Variants in LPA observed in about 807,000 individuals in gnomAD.
LPA encodes apolipoprotein(a).
A neutral mutation model predicts 197.9 loss-of-function variants in LPA; 199 were observed. The ratio of observed to expected loss-of-function variants is 1.01; its 90% confidence interval spans 0.90 to 1.13. The LOEUF (loss-of-function observed/expected upper bound fraction) is 1.13. LPA is among the 50% of genes most tolerant of loss of function. The probability of loss-of-function intolerance (pLI) is 0.00; values close to 1 mark genes in which losing one functional copy is unlikely to be tolerated. For missense variants in LPA, 1,853 were observed against 1,785.8 expected (o/e 1.04, Z -0.68); for synonymous variants, 715 against 639.5 (o/e 1.12, Z -1.78).
chr6:160,593,639 G>A (rs1339760208), intron 22 of LPA, among the ~76,000 whole-genome samples: 1 of 152,164 alleles, frequency 6.6e-6, no homozygotes, highest in Non-Finnish European at 1.5e-5. Context: ...ATCCCTGGTT[G>A]AACTATTGCA....
intron 26 of LPA, among the ~76,000 whole-genome samples, chr6:160,583,752 G>A (rs887770094): frequency 1.1e-4 from 17 of 150,906 alleles, no homozygotes; most frequent in African/African-American, 2.7e-4. Flanking sequence ...AGAAAATCTC[G>A]GTTTTATTAG....
At chr6:160,598,417 G>A (rs905990388) in intron 20 of LPA, among the ~76,000 whole-genome samples, 4 of 152,144 alleles carry the variant, frequency 2.6e-5, no homozygotes, top group Non-Finnish European at 2.9e-5. Flanking sequence ...CAGTCAGCTT[G>A]GGCTCCATCT....
chr6:160,652,251 A>T (rs1780020730), intron 1 of LPA, among the ~76,000 whole-genome samples: 2 of 152,078 alleles, frequency 1.3e-5, no homozygotes, highest in South Asian at 4.1e-4. Context: ...TTAATAATAA[A>T]CAAATTATAG....
At chr6:160,588,251 G>T (rs912198363) in intron 24 of LPA, among the ~76,000 whole-genome samples, 15 of 151,144 alleles carry the variant, frequency 9.9e-5, no homozygotes, top group Non-Finnish European at 1.9e-4. Context: ...TCTAAGGGGG[G>T]TTGAGTTTTT....
intron 30 of LPA, 35 bp from the exon 31 acceptor site, chr6:160,548,694 C>T (rs778914975): frequency 6.2e-6 from 10 of 1,610,714 alleles, no homozygotes; most frequent in East Asian, 4.5e-5. Context: ...TTACAGGAGG[C>T]GGAAGAATAT....
chr6:160,583,505 C>T (rs1450797311), intron 26 of LPA, among the ~76,000 whole-genome samples: 1 of 152,126 alleles, frequency 6.6e-6, no homozygotes, highest in Admixed American at 6.6e-5. Context: ...TGTCTCTCCT[C>T]AGGCTGGTCA....
intron 28 of LPA, among the ~76,000 whole-genome samples, chr6:160,567,664 T>C (rs542660326): frequency 2.0e-5 from 3 of 151,940 alleles, no homozygotes; most frequent in Non-Finnish European, 4.4e-5. Flanking sequence ...CTGAAGGAGA[T>C]AGAGACACAA....
At position 160,557,838 on chromosome 6, in the gene LPA, A is replaced by C. The variant is rs373594105; in HGVS notation, c.4632-267T>G. Among the ~76,000 whole-genome samples, 23 of 152,330 alleles carry C rather than the reference A, an allele frequency of 1.5e-4. 2 individuals are homozygous for C. The highest frequency in any genetic ancestry group is 5.3e-4 in the African/African-American group (22 of 41,578). The stretch of plus-strand genomic sequence containing the variant: ...ACTGAGATCATACATAAATGTATAC[A>C]AGAAAAATTCGGAATATCTTCCTCC... On this transcript the variant is annotated intron_variant, in intron 28 of 38. Coordinates refer to ENST00000316300, the MANE Select transcript of LPA (RefSeq NM_005577.4).
At chr6:160,575,009 G>C (rs1778629462) in intron 28 of LPA, among the ~76,000 whole-genome samples, 3 of 152,098 alleles carry the variant, frequency 2.0e-5, no homozygotes, top group Non-Finnish European at 4.4e-5. Context: ...TGATGAGAAG[G>C]CATCAGTCAT....
At position 160,664,249 on chromosome 6, in the gene LPA, C is replaced by T. The variant is rs1780273005; in HGVS notation, c.-35G>A. ...GGCCAGCAGTGCCCAGAAAGTGTGT[C>T]CCAATCCCAGGACATTGTTGACTTA... On this transcript the variant is annotated 5_prime_UTR_variant, in exon 1 of 39. Transcript: ENST00000316300. The T allele has an allele frequency of 6.2e-7, 1 of 1,602,026 alleles. No homozygotes were observed.
chr6:160,536,145 T>C lies in LPA; in HGVS notation c.5842+1710A>G, dbSNP rs192337358. On this transcript the variant is annotated intron_variant, in intron 37 of 38. Coordinates refer to ENST00000316300, the MANE Select transcript of LPA (RefSeq NM_005577.4). ...TGTTCACATAATTGGGAGAGTGGCC[T>C]TTCTTATTCTTTCCCGGTACAGCCA... Among the ~76,000 whole-genome samples, 99 of 152,236 alleles carry C rather than the reference T, an allele frequency of 6.5e-4. 1 individual carries two copies. The highest frequency in any genetic ancestry group is 5.0e-3 in the Admixed American group (77 of 15,294).
At position 160,557,493 on chromosome 6, in the gene LPA, C is replaced by T. The variant is rs1290411399; in HGVS notation, c.4710G>A (p.Arg1570=). 7 of 1,613,966 alleles carry T rather than the reference C, an allele frequency of 4.3e-6. No homozygotes were observed. The highest frequency in any genetic ancestry group is 5.9e-6 in the Non-Finnish European group (7 of 1,180,018). Residue 1570 remains arginine (R), a synonymous_variant, in exon 29 of 39, where the codon AGG becomes AGA. Coordinates refer to ENST00000316300, the MANE Select transcript of LPA (RefSeq NM_005577.4). The stretch of plus-strand genomic sequence containing the variant: ...ATTGTGTCAGATTGCAGTACTCCCA[C>T]CTCACACACGGATCGGTTGTGTAAC... The part of the protein sequence containing the change: ...PWCYTTDPCV[R]WEYCNLTQCS...
intron 2 of LPA, among the ~76,000 whole-genome samples, chr6:160,646,849 A>G (rs555389814): frequency 6.6e-6 from 1 of 150,860 alleles, no homozygotes; most frequent in African/African-American, 2.5e-5. Context: ...GGGAGTTGCA[A>G]CGAACATGTA....
At chr6:160,585,014 TG>T in intron 26 of LPA, 31 bp downstream of exon 26, 1 of 1,611,990 alleles carries the variant, frequency 6.2e-7, no homozygotes, top group South Asian at 1.1e-5. Context: ...AGTTGACTAT[TG>T]TTCCTTTTAT....
intron 26 of LPA, among the ~76,000 whole-genome samples, chr6:160,580,543 G>A (rs6926201): frequency 0.042 from 6,334 of 152,140 alleles, 426 homozygotes; most frequent in African/African-American, 0.14. Flanking sequence ...TGAGAGAGTG[G>A]CACATTCTAG....
chr6:160,557,505 A>C lies in LPA; in HGVS notation c.4698T>G (p.Asp1566Glu), dbSNP rs780424998. ...TGCAGTACTCCCACCTCACACACGG[A>C]TCGGTTGTGTAACACCAGGGTTGTT... ...SGKQPWCYTTDPCVRWEYCNL... is the reference protein window; with the variant it reads ...SGKQPWCYTTEPCVRWEYCNL... The change falls in exon 29 of 39, where the codon GAT (aspartate) becomes GAG (glutamate). Residue 1566 changes from aspartate (D) to glutamate (E), a missense_variant. Transcript: ENST00000316300. 3.1e-6 allele frequency: 5 copies of C among 1,613,960 alleles called. No individual in the cohort carries two copies. The highest frequency in any genetic ancestry group is 4.2e-6 in the Non-Finnish European group (5 of 1,179,974).
chr6:160,542,840 T>A, intron 33 of LPA, 32 bp from the exon 34 acceptor site: 1 of 1,613,490 alleles, frequency 6.2e-7, no homozygotes, highest in East Asian at 2.2e-5. Flanking sequence ...GAAGTCGCAT[T>A]TGAGTCCAAG....
chr6:160,555,294 AG>A lies in LPA; in HGVS notation c.4973+730del, dbSNP rs1402554808. ...ATTATATTATATTATATTATATGTT[AG>A]TGTGTGTGTGTGTGTGTGTGTGTGT... On this transcript the variant is annotated intron_variant, in intron 30 of 38. Transcript: ENST00000316300. 2.7e-3 allele frequency among the ~76,000 whole-genome samples: 360 copies of A among 133,750 alleles called. 3 individuals are homozygous for A. Among genetic ancestry groups the A allele is most frequent in the African/African-American group, 9.7e-3 (347 of 35,766 alleles). The allele number at this position is 133,750 out of a possible 152,430, so 87.7% of individuals were successfully genotyped here.
chr6:160,615,376 G>GTGTT (rs1779577624), intron 14 of LPA, among the ~76,000 whole-genome samples: 1 of 137,974 alleles, frequency 7.2e-6, no homozygotes. Context: ...GTGTGTGTGT[G>GTGTT]TGTGTGTGTA....
Sources: gnomAD v4.1 joint callset for allele counts (sites outside exome capture counted in the v4.1 genomes callset) on GRCh38, gnomAD v4.1.1 for gene constraint, MANE v1.5 for transcripts, NCBI Gene and HGNC (gene_info 2026-07-23, HGNC 2026-07-21) for gene names.